UNC5C: variants seen among roughly 807,000 people sequenced by gnomAD.
UNC5C encodes unc-5 netrin receptor C, also known as netrin receptor UNC5C.
Under a neutral mutation model 99.8 loss-of-function variants are expected in UNC5C, and 47 were observed. The observed-to-expected ratio is 0.47, with a 90% CI of 0.37 to 0.60. UNC5C has a LOEUF of 0.60. Ranked by LOEUF, UNC5C falls within the 20% of genes least tolerant of loss-of-function variation. UNC5C has a pLI of 0.00. For synonymous variants in UNC5C, 487 were observed against 452.2 expected (o/e 1.08, Z -0.98); for missense variants, 1,062 against 1,165.9 (o/e 0.91, Z 1.30).
At chr4:95,386,081 C>G (rs1178761038) in intron 1 of UNC5C, among the ~76,000 whole-genome samples, 1 of 152,066 alleles carries the variant, frequency 6.6e-6, no homozygotes, top group African/African-American at 2.4e-5. Context: ...CACTTCTGAC[C>G]AGCCATTGTA....
intron 12 of UNC5C, among the ~76,000 whole-genome samples, chr4:95,200,724 T>C (rs1737622454): frequency 6.6e-6 from 1 of 152,198 alleles, no homozygotes; most frequent in African/African-American, 2.4e-5. Flanking sequence ...GTAGTTGGTT[T>C]CTGAATCTCT....
intron 1 of UNC5C, among the ~76,000 whole-genome samples, chr4:95,379,533 G>C (rs569057449): frequency 6.6e-6 from 1 of 152,082 alleles, no homozygotes; most frequent in Non-Finnish European, 1.5e-5. Flanking sequence ...TTCCCCAAGC[G>C]GAGTATCCTG....
At chr4:95,416,709 G>A (rs1328726071) in intron 1 of UNC5C, among the ~76,000 whole-genome samples, 7 of 152,136 alleles carry the variant, frequency 4.6e-5, no homozygotes, top group Non-Finnish European at 1.0e-4. Flanking sequence ...TTATCAAAAT[G>A]TCCACATGCC....
intron 3 of UNC5C, among the ~76,000 whole-genome samples, chr4:95,298,689 T>C (rs547879586): frequency 2.0e-5 from 3 of 152,292 alleles, no homozygotes; most frequent in African/African-American, 7.2e-5. Context: ...GACCTGATGA[T>C]CATTCATTTT....
intron 2 of UNC5C, among the ~76,000 whole-genome samples, chr4:95,306,518 A>G (rs1209307544): frequency 6.6e-6 from 1 of 152,050 alleles, no homozygotes; most frequent in Non-Finnish European, 1.5e-5. Flanking sequence ...GTATTTTATA[A>G]ACATATCTTG....
intron 1 of UNC5C, among the ~76,000 whole-genome samples, chr4:95,382,390 T>C (rs2149442333): frequency 6.6e-6 from 1 of 151,730 alleles, no homozygotes; most frequent in East Asian, 1.9e-4. Flanking sequence ...AGAAGATCAC[T>C]TGTGGCTGCA....
chr4:95,542,615 G>A (rs1321346828), intron 1 of UNC5C, among the ~76,000 whole-genome samples: 1 of 151,936 alleles, frequency 6.6e-6, no homozygotes, highest in Non-Finnish European at 1.5e-5. Context: ...AACATTTTGG[G>A]GAGCAGCAAT....
intron 10 of UNC5C, 130 bp from the exon 11 acceptor site, chr4:95,206,926 G>T (rs554458549): frequency 3.9e-6 from 3 of 777,570 alleles, no homozygotes; most frequent in African/African-American, 1.8e-5. Flanking sequence ...TTTTCTGGGG[G>T]GTTGGGGAGA....
intron 1 of UNC5C, among the ~76,000 whole-genome samples, chr4:95,338,831 C>G (rs775394743): frequency 3.9e-5 from 6 of 151,972 alleles, no homozygotes; most frequent in Non-Finnish European, 8.8e-5. Context: ...GATGTTTTAA[C>G]AATAGAAATA....
chr4:95,369,753 T>C (rs1744690390), intron 1 of UNC5C, among the ~76,000 whole-genome samples: 1 of 151,928 alleles, frequency 6.6e-6, no homozygotes, highest in African/African-American at 2.4e-5. Context: ...ATAGCACAGA[T>C]AGAAATAAAA....
intron 12 of UNC5C, among the ~76,000 whole-genome samples, chr4:95,201,487 C>T (rs182722813): frequency 1.3e-5 from 2 of 152,240 alleles, no homozygotes; most frequent in East Asian, 3.9e-4. Flanking sequence ...TAAACCTCTC[C>T]AATCTCCATT....
chr4:95,172,652 A>G (rs928452865), intron 14 of UNC5C, among the ~76,000 whole-genome samples: 1 of 151,792 alleles, frequency 6.6e-6, no homozygotes. Context: ...GCCTTGTAGT[A>G]TAGTTTGAAG....
rs1052818182 is a variant in UNC5C at position 95,480,967 on chromosome 4, C to G, written c.124+67767G>C. ...CTGGCACAAGACAGGGATGCCCTCT[C>G]TCACCACTCCTATTCAACATAGTGT... On this transcript the variant is annotated intron_variant, in intron 1 of 15. Coordinates refer to ENST00000453304, the MANE Select transcript of UNC5C (RefSeq NM_003728.4). Among the ~76,000 whole-genome samples, 44 of 150,970 alleles carry G rather than the reference C, an allele frequency of 2.9e-4. 1 individual carries two copies. The highest frequency in any genetic ancestry group is 4.9e-4 in the Non-Finnish European group (33 of 67,818).
chr4:95,242,955 C>T (rs1739380588), intron 6 of UNC5C, among the ~76,000 whole-genome samples: 1 of 152,088 alleles, frequency 6.6e-6, no homozygotes, highest in African/African-American at 2.4e-5. Context: ...TCTTTGGATC[C>T]AGGATTCCTT....
intron 7 of UNC5C, among the ~76,000 whole-genome samples, chr4:95,230,046 G>T (rs1044804805): frequency 6.6e-6 from 1 of 151,722 alleles, no homozygotes; most frequent in Non-Finnish European, 1.5e-5. Context: ...CCTGACCTCA[G>T]GTGATCCACC....
At chr4:95,461,477 T>A (rs1265203264) in intron 1 of UNC5C, among the ~76,000 whole-genome samples, 1 of 97,462 alleles carries the variant, frequency 1.0e-5, no homozygotes, top group Admixed American at 9.2e-5. Flanking sequence ...TAAAATACAA[T>A]TACAATCCAA....
At chr4:95,505,916 A>C (rs890531284) in intron 1 of UNC5C, among the ~76,000 whole-genome samples, 7 of 152,056 alleles carry the variant, frequency 4.6e-5, no homozygotes, top group African/African-American at 1.7e-4. Flanking sequence ...CAAAGAATAC[A>C]AGACTGAACT....
chr4:95,414,563 T>C (rs891066943), intron 1 of UNC5C, among the ~76,000 whole-genome samples: 4 of 152,206 alleles, frequency 2.6e-5, no homozygotes, highest in African/African-American at 9.6e-5. Context: ...CCAAGCTGTT[T>C]TTGTATTTAA....
intron 3 of UNC5C, among the ~76,000 whole-genome samples, chr4:95,300,297 A>G (rs1344360688): frequency 6.6e-6 from 1 of 152,216 alleles, no homozygotes; most frequent in Admixed American, 6.5e-5. Context: ...GATAACATGC[A>G]TATTAGTGTA....
Sources: allele counts gnomAD v4.1 joint callset (sites outside exome capture counted in the v4.1 genomes callset), GRCh38; gene constraint gnomAD v4.1.1; transcripts MANE v1.5; gene names NCBI Gene and HGNC (gene_info 2026-07-23, HGNC 2026-07-21).